Variants in TCERG1L observed in about 807,000 individuals in gnomAD.
TCERG1L encodes the protein transcription elongation regulator 1 like, also known as transcription elongation regulator 1-like protein.
Under a neutral mutation model 56.3 loss-of-function variants are expected in TCERG1L, and 37 were observed. That is an observed-to-expected ratio of 0.66 (90% CI 0.51 to 0.87). TCERG1L has a LOEUF of 0.87. TCERG1L is among the 40% of genes least tolerant of loss of function. TCERG1L has a pLI of 0.00. For synonymous variants in TCERG1L, 324 were observed against 326.3 expected, an observed-to-expected ratio of 0.99 and a Z score of 0.08; for missense variants, 799 against 774.2, an observed-to-expected ratio of 1.03 and a Z score of -0.38.
intron 4 of TCERG1L, among the ~76,000 whole-genome samples, chr10:131,233,738 T>G (rs185351355): frequency 9.3e-4 from 142 of 152,348 alleles, no homozygotes; most frequent in Admixed American, 4.6e-3. Flanking sequence ...ACTTAACTCC[T>G]GCTATGCTTC....
intron 4 of TCERG1L, among the ~76,000 whole-genome samples, chr10:131,226,141 A>C (rs946733542): frequency 4.6e-5 from 7 of 152,088 alleles, no homozygotes; most frequent in African/African-American, 1.7e-4. Flanking sequence ...GAGTGTCACT[A>C]GGTTGCCTAG....
intron 4 of TCERG1L, among the ~76,000 whole-genome samples, chr10:131,248,216 TCA>T (rs1564825342): frequency 6.9e-6 from 1 of 144,668 alleles, no homozygotes; most frequent in African/African-American, 2.6e-5. Flanking sequence ...CACAACTCTC[TCA>T]CACACAACTC....
At chr10:131,193,067 A>G (rs1164834021) in intron 4 of TCERG1L, among the ~76,000 whole-genome samples, 1 of 152,202 alleles carries the variant, frequency 6.6e-6, no homozygotes, top group Non-Finnish European at 1.5e-5. Flanking sequence ...GGGTAAGATG[A>G]CATCTCATTG....
At chr10:131,106,315 CATGGCGG>C (rs894719432) in intron 9 of TCERG1L, among the ~76,000 whole-genome samples, 3 of 152,190 alleles carry the variant, frequency 2.0e-5, no homozygotes, top group African/African-American at 7.2e-5. Context: ...GCACTAGGGC[CATGGCGG>C]AGACAGACCT....
chr10:131,229,428 GTT>G (rs1845826326), intron 4 of TCERG1L, among the ~76,000 whole-genome samples: 1 of 152,206 alleles, frequency 6.6e-6, no homozygotes, highest in Non-Finnish European at 1.5e-5. Context: ...TGACACGCAG[GTT>G]TTATGCTTCC....
At position 131,128,897 on chromosome 10, in the gene TCERG1L, T is replaced by C. The variant is rs183902434; in HGVS notation, c.1259+5482A>G. 7.2e-4 allele frequency among the ~76,000 whole-genome samples: 110 copies of C among 152,276 alleles called. 2 individuals are homozygous for C. In the East Asian group the frequency reaches 0.015, roughly 21 times the overall value. The stretch of plus-strand genomic sequence containing the variant: ...GTCCTGCCAGAGCACTAATCAAACC[T>C]GACCCTGATAAAGCTCGGCTCTGAC... On this transcript the variant is annotated intron_variant, in intron 8 of 11. Coordinates refer to ENST00000368642, the MANE Select transcript of TCERG1L (RefSeq NM_174937.4).
At chr10:131,100,619 A>T (rs1845295580) in intron 10 of TCERG1L, among the ~76,000 whole-genome samples, 1 of 152,192 alleles carries the variant, frequency 6.6e-6, no homozygotes, top group Non-Finnish European at 1.5e-5. Context: ...TGCCATAGAA[A>T]CAGGCCTGAT....
chr10:131,195,171 G>T (rs1246032254), intron 4 of TCERG1L, among the ~76,000 whole-genome samples: 1 of 152,212 alleles, frequency 6.6e-6, no homozygotes, highest in East Asian at 1.9e-4. Context: ...ACTTTGATAA[G>T]AAATGGAGCA....
At chr10:131,276,268 T>C (rs755067193) in intron 3 of TCERG1L, among the ~76,000 whole-genome samples, 4 of 152,220 alleles carry the variant, frequency 2.6e-5, no homozygotes, top group Non-Finnish European at 5.9e-5. Context: ...GATTAACCCT[T>C]TGCCCTAGAA....
At chr10:131,098,206 GCTGGGTTACA>G in intron 11 of TCERG1L, 90 bp downstream of exon 11, 1 of 1,263,696 alleles carries the variant, frequency 7.9e-7, no homozygotes, top group Non-Finnish European at 1.1e-6. Flanking sequence ...TCTGTGGAAG[GCTGGGTTACA>G]CGATTTAACA....
intron 3 of TCERG1L, among the ~76,000 whole-genome samples, chr10:131,292,714 T>C (rs902963001): frequency 9.9e-5 from 15 of 152,182 alleles, no homozygotes; most frequent in Non-Finnish European, 2.1e-4. Context: ...GAATTGCCCA[T>C]TGAGTCTCCC....
intron 3 of TCERG1L, among the ~76,000 whole-genome samples, chr10:131,273,758 C>T (rs1359612992): frequency 6.6e-6 from 1 of 152,194 alleles, no homozygotes; most frequent in African/African-American, 2.4e-5. Context: ...TTCCAGGAAG[C>T]CCCAGGGCCA....
chr10:131,200,083 T>G (rs1845415380), intron 4 of TCERG1L, among the ~76,000 whole-genome samples: 1 of 152,180 alleles, frequency 6.6e-6, no homozygotes, highest in Non-Finnish European at 1.5e-5. Flanking sequence ...ACCAGGATCG[T>G]CCTTAATGCT....
chr10:131,093,578 C>T (rs985606853), intron 11 of TCERG1L, among the ~76,000 whole-genome samples: 1 of 152,176 alleles, frequency 6.6e-6, no homozygotes, highest in Admixed American at 6.5e-5. Flanking sequence ...CGGCCCCCAC[C>T]AGCCTCCTCA....
intron 4 of TCERG1L, among the ~76,000 whole-genome samples, chr10:131,222,044 A>G (rs1332681156): frequency 1.3e-5 from 2 of 152,232 alleles, no homozygotes; most frequent in East Asian, 3.8e-4. Flanking sequence ...TCTTGGGGTT[A>G]ATCCACATTT....
intron 6 of TCERG1L, among the ~76,000 whole-genome samples, chr10:131,148,286 G>C (rs1052566280): frequency 1.3e-5 from 2 of 152,150 alleles, no homozygotes; most frequent in Non-Finnish European, 1.5e-5. Flanking sequence ...GATGGAGGCA[G>C]AGGTGTTTCA....
intron 7 of TCERG1L, among the ~76,000 whole-genome samples, chr10:131,145,247 G>A (rs1022021090): frequency 1.3e-5 from 2 of 152,190 alleles, no homozygotes; most frequent in African/African-American, 2.4e-5. Flanking sequence ...TCTTGTCCAT[G>A]AGTAAGAACC....
At chr10:131,135,743 T>C (rs1467809823) in intron 7 of TCERG1L, among the ~76,000 whole-genome samples, 2 of 152,144 alleles carry the variant, frequency 1.3e-5, no homozygotes, top group Non-Finnish European at 2.9e-5. Flanking sequence ...CGGGGTGCAA[T>C]GTATCTGCCC....
intron 4 of TCERG1L, among the ~76,000 whole-genome samples, chr10:131,208,305 G>C (rs1191824862): frequency 6.6e-6 from 1 of 152,202 alleles, no homozygotes; most frequent in African/African-American, 2.4e-5. Flanking sequence ...CCTATCATCT[G>C]TGTCACCCTC....
Sources: allele counts gnomAD v4.1 joint callset (sites outside exome capture counted in the v4.1 genomes callset), GRCh38; gene constraint gnomAD v4.1.1; transcripts MANE v1.5; gene names NCBI Gene and HGNC (gene_info 2026-07-23, HGNC 2026-07-21).